Variants in METTL15 observed in about 807,000 individuals in gnomAD.
The protein encoded by METTL15 is 12S rRNA N(4)-cytidine methyltransferase METTL15.
In METTL15, 34 loss-of-function variants were observed where a neutral mutation model predicts 38.3. The ratio of observed to expected loss-of-function variants is 0.89; its 90% CI spans 0.68 to 1.18. METTL15 has a LOEUF of 1.18. METTL15 is among the 50% of genes most tolerant of loss of function. The pLI is 0.00. For missense variants in METTL15, 438 were observed against 498.4 expected (o/e 0.88, Z 1.15); for synonymous variants, 162 against 170.9 (o/e 0.95, Z 0.41).
chr11:28,149,928 A>T (rs1370512065), intron 3 of METTL15, among the ~76,000 whole-genome samples: 1 of 152,032 alleles, frequency 6.6e-6, no homozygotes, highest in Admixed American at 6.6e-5. Flanking sequence ...ACTCATTGAG[A>T]CAACTGAGGA....
chr11:28,276,143 G>A (rs910346462), intron 4 of METTL15, among the ~76,000 whole-genome samples: 2 of 151,990 alleles, frequency 1.3e-5, no homozygotes, highest in African/African-American at 2.4e-5. Context: ...TGGGAAAAAA[G>A]GAAGTCAAAT....
At chr11:28,141,763 G>A (rs1849705650) in intron 3 of METTL15, among the ~76,000 whole-genome samples, 1 of 152,056 alleles carries the variant, frequency 6.6e-6, no homozygotes, top group Admixed American at 6.6e-5. Context: ...AGCAAGCTAG[G>A]GAACAATGGC....
chr11:28,182,455 G>C (rs1445089274), intron 3 of METTL15, among the ~76,000 whole-genome samples: 1 of 151,978 alleles, frequency 6.6e-6, no homozygotes, highest in Admixed American at 6.6e-5. Flanking sequence ...AAGGGGTCCA[G>C]TTTCAGTTTT....
chr11:28,433,914 A>G (rs1850958710), intron 6 of METTL15, among the ~76,000 whole-genome samples: 1 of 152,170 alleles, frequency 6.6e-6, no homozygotes, highest in South Asian at 2.1e-4. Context: ...TTGAAGCATT[A>G]TCTAATTATC....
At chr11:28,160,189 A>G (rs1362576516) in intron 3 of METTL15, among the ~76,000 whole-genome samples, 1 of 151,792 alleles carries the variant, frequency 6.6e-6, no homozygotes, top group African/African-American at 2.4e-5. Flanking sequence ...TGGCACTCGA[A>G]CTGAGTTCCA....
At position 28,160,977 on chromosome 11, in the gene METTL15, C is replaced by T. The variant is rs533939559; in HGVS notation, c.270+47373C>T. ...ACTGGAAAATACAGTCAGAAATACACACTAAAATATCAATATAATATACTA... is the reference window on the plus strand; with the variant it reads ...ACTGGAAAATACAGTCAGAAATACATACTAAAATATCAATATAATATACTA... On this transcript the variant is annotated intron_variant, in intron 3 of 6. Coordinates refer to ENST00000407364, the MANE Select transcript of METTL15 (RefSeq NM_001113528.2). 2.0e-5 allele frequency among the ~76,000 whole-genome samples: 3 copies of T among 151,896 alleles called. No individual in the cohort carries two copies. The South Asian group carries it at 6.2e-4, about 32-fold the overall frequency.
chr11:28,141,369 T>A (rs947022649), intron 3 of METTL15, among the ~76,000 whole-genome samples: 1 of 152,178 alleles, frequency 6.6e-6, no homozygotes, highest in Middle Eastern at 3.4e-3. Flanking sequence ...GAAAGATCAA[T>A]CTTAGTTTTT....
chr11:28,237,032 T>C (rs537065254), intron 4 of METTL15, among the ~76,000 whole-genome samples: 54 of 152,262 alleles, frequency 3.5e-4, no homozygotes, highest in African/African-American at 1.3e-3. Context: ...GCTGCCCTTA[T>C]AATTTTTTCC....
rs143110001 is a variant in METTL15, at chr11:28,209,912, A to G, written c.271-1150A>G. Among the ~76,000 whole-genome samples the G allele has an allele frequency of 1.3e-3, 192 of 152,136 alleles. 2 individuals are homozygous for G. The highest frequency in any genetic ancestry group is 4.5e-3 in the African/African-American group (185 of 41,556). On this transcript the variant is annotated intron_variant, in intron 3 of 6. Transcript: ENST00000407364. Reference sequence around the variant, plus strand: ...ATTTTTAAATCTAGCCAGTAGACTTATGTTGTCATTGTAGTCAATATTATT... The same window carrying G: ...ATTTTTAAATCTAGCCAGTAGACTTGTGTTGTCATTGTAGTCAATATTATT...
intron 3 of METTL15, among the ~76,000 whole-genome samples, chr11:28,156,977 A>G (rs182178799): frequency 1.3e-5 from 2 of 152,342 alleles, no homozygotes; most frequent in African/African-American, 2.4e-5. Flanking sequence ...TATAAGATAA[A>G]TGGTATTTAA....
chr11:28,423,439 T>C (rs1368727812), intron 5 of METTL15, among the ~76,000 whole-genome samples: 1 of 152,028 alleles, frequency 6.6e-6, no homozygotes, highest in Admixed American at 6.6e-5. Context: ...TAGCCAAGAT[T>C]TGGAAACAAC....
chr11:28,197,678 CA>C (rs1462541164), intron 3 of METTL15: 14 of 282,526 alleles, frequency 5.0e-5, no homozygotes, highest in Non-Finnish European at 1.0e-4. Flanking sequence ...TTTCTCCCTG[CA>C]ATATGCACAT....
chr11:28,260,268 C>G (rs1855148421), intron 4 of METTL15, among the ~76,000 whole-genome samples: 2 of 152,202 alleles, frequency 1.3e-5, no homozygotes, highest in Non-Finnish European at 2.9e-5. Context: ...ATAGATGTCA[C>G]TTTCTGGTCA....
At chr11:28,339,617 T>C (rs375158020) in intron 3 of METTL15, among the ~76,000 whole-genome samples, 1 of 150,252 alleles carries the variant, frequency 6.7e-6, no homozygotes, top group East Asian at 1.9e-4. Context: ...AAAAGAGAGA[T>C]GACCAAAATC....
intron 5 of METTL15, among the ~76,000 whole-genome samples, chr11:28,380,165 A>C (rs912248155): frequency 8.8e-6 from 1 of 113,364 alleles, no homozygotes; most frequent in African/African-American, 3.1e-5. Context: ...CAGCCACTTT[A>C]TGCTTTTTTT....
At chr11:28,187,669 AAT>A (rs943759496) in intron 3 of METTL15, among the ~76,000 whole-genome samples, 31 of 150,938 alleles carry the variant, frequency 2.1e-4, no homozygotes, top group African/African-American at 7.3e-4. Flanking sequence ...TGCATAAATG[AAT>A]ATGTTTATGT....
At chr11:28,290,468 T>G (rs551326748) in intron 5 of METTL15, 71 bp downstream of exon 5, 1 of 1,430,146 alleles carries the variant, frequency 7.0e-7, no homozygotes, top group African/African-American at 1.4e-5. Flanking sequence ...AATTTAATTT[T>G]TTTAAGACTA....
At chr11:28,194,159 T>TCTTTCTTTCTTTCTTC (rs1285180952) in intron 3 of METTL15, among the ~76,000 whole-genome samples, 1 of 103,504 alleles carries the variant, frequency 9.7e-6, no homozygotes, top group Non-Finnish European at 1.9e-5. Flanking sequence ...TTTCTTTCTT[T>TCTTTCTTTCTTTCTTC]CTTTCTTTCT....
At chr11:28,528,577 G>A (rs556175076), downstream of METTL15, among the ~76,000 whole-genome samples, 1 of 152,274 alleles carries the variant, frequency 6.6e-6, no homozygotes, top group South Asian at 2.1e-4. Flanking sequence ...CAGTGCCAAC[G>A]GTCCAATTTT....
Sources: allele counts gnomAD v4.1 joint callset (sites outside exome capture counted in the v4.1 genomes callset), GRCh38; gene constraint gnomAD v4.1.1; transcripts MANE v1.5; gene names NCBI Gene and HGNC (gene_info 2026-07-23, HGNC 2026-07-21).